The following WWOX variants were observed in gnomAD, a reference collection of about 807,000 sequenced individuals.
WWOX encodes the protein WW domain-containing oxidoreductase.
WWOX carries 69 observed loss-of-function variants against 46.2 expected under a neutral mutation model. The ratio of observed to expected loss-of-function variants is 1.49; its 90% CI spans 1.23 to 1.82. The LOEUF (loss-of-function observed/expected upper bound fraction) is 1.82, where lower values mean the gene tolerates loss of function less well. Among genes scored for constraint, WWOX ranks in the 40% most tolerant of loss-of-function variants. The pLI is 0.00. For synonymous variants in WWOX, 359 were observed against 202.6 expected (o/e 1.77, Z -6.56); for missense variants, 919 against 542.6 (o/e 1.69, Z -6.89).
At chr16:78,943,625 C>A (rs991515115) in intron 8 of WWOX, among the ~76,000 whole-genome samples, 1 of 152,104 alleles carries the variant, frequency 6.6e-6, no homozygotes, top group African/African-American at 2.4e-5. Context: ...TCTGTGTGGC[C>A]CCGTCAATGG....
intron 5 of WWOX, among the ~76,000 whole-genome samples, chr16:78,221,785 T>C (rs868276430): frequency 1.3e-5 from 2 of 152,226 alleles, no homozygotes; most frequent in South Asian, 2.1e-4. Context: ...GGAAGGTTTG[T>C]AATTTGTTTT....
At chr16:78,873,891 G>A (rs202068110) in intron 8 of WWOX, among the ~76,000 whole-genome samples, 1 of 152,112 alleles carries the variant, frequency 6.6e-6, no homozygotes, top group East Asian at 1.9e-4. Context: ...GGCAATCACA[G>A]GTCAGGTCCT....
intron 8 of WWOX, among the ~76,000 whole-genome samples, chr16:78,913,742 G>A (rs921800019): frequency 5.3e-5 from 8 of 151,408 alleles, no homozygotes; most frequent in Admixed American, 1.3e-4. Flanking sequence ...GCTCACTGCA[G>A]CCTCCAACTC....
intron 8 of WWOX, among the ~76,000 whole-genome samples, chr16:78,671,680 T>A (rs1252522232): frequency 6.6e-6 from 1 of 152,180 alleles, no homozygotes; most frequent in African/African-American, 2.4e-5. Context: ...ATGTAAAGCA[T>A]TTGGCATAGT....
At chr16:79,174,690 A>G (rs16949769) in intron 8 of WWOX, among the ~76,000 whole-genome samples, 4,537 of 152,304 alleles carry the variant, frequency 0.03, 238 homozygotes, top group African/African-American at 0.1. Context: ...GTGAATTTCT[A>G]TGTCCGCCCT....
chr16:78,140,615 C>G (rs2033954007), intron 4 of WWOX, among the ~76,000 whole-genome samples: 1 of 152,150 alleles, frequency 6.6e-6, no homozygotes, highest in Non-Finnish European at 1.5e-5. Flanking sequence ...AAGCCATTCT[C>G]CCTGTATCTT....
At chr16:79,161,381 A>G (rs1186831412) in intron 8 of WWOX, among the ~76,000 whole-genome samples, 1 of 152,228 alleles carries the variant, frequency 6.6e-6, no homozygotes, top group African/African-American at 2.4e-5. Context: ...GATGAAATGA[A>G]AAGTCCACAG....
At chr16:78,144,152 A>G (rs1345694486) in intron 4 of WWOX, among the ~76,000 whole-genome samples, 1 of 151,386 alleles carries the variant, frequency 6.6e-6, no homozygotes, top group Non-Finnish European at 1.5e-5. Flanking sequence ...TTATTTTAAA[A>G]CCCTGGGTTG....
At chr16:79,119,739 C>T (rs1373908968) in intron 8 of WWOX, among the ~76,000 whole-genome samples, 1 of 152,168 alleles carries the variant, frequency 6.6e-6, no homozygotes, top group Non-Finnish European at 1.5e-5. Flanking sequence ...TGGTTTGAAT[C>T]ATGATGGCAG....
chr16:78,483,415 G>A (rs1250847183), intron 8 of WWOX, among the ~76,000 whole-genome samples: 3 of 144,572 alleles, frequency 2.1e-5, no homozygotes, highest in African/African-American at 8.2e-5. Flanking sequence ...GCCGGCATCT[G>A]CGTAGAATTT....
chr16:78,965,120 G>C (rs959823358), intron 8 of WWOX, among the ~76,000 whole-genome samples: 21 of 152,238 alleles, frequency 1.4e-4, no homozygotes, highest in Admixed American at 5.9e-4. Context: ...GAGCCTCCAG[G>C]CAGAGTCCAT....
Position 78,417,224 on chromosome 16 carries a change from C to T in WWOX, c.606-7646C>T, listed in dbSNP as rs372179963. On this transcript the variant is annotated intron_variant, in intron 6 of 8. Transcript: ENST00000566780. ...AGTAGCTGAGACTACAGGTGCATGC[C>T]ACTGGCTATTTTTATTTTTTTCTTT... Among the ~76,000 whole-genome samples the T allele has an allele frequency of 2.5e-4, 38 of 152,152 alleles. 1 individual carries two copies. The highest frequency in any genetic ancestry group is 8.7e-4 in the African/African-American group (36 of 41,506).
intron 5 of WWOX, among the ~76,000 whole-genome samples, chr16:78,331,690 A>G (rs1460780575): frequency 2.0e-5 from 3 of 152,186 alleles, no homozygotes; most frequent in African/African-American, 7.2e-5. Flanking sequence ...ACAGGGAAAG[A>G]GTTTTGTTAT....
chr16:79,074,751 C>G (rs2048622628), intron 8 of WWOX, among the ~76,000 whole-genome samples: 1 of 152,092 alleles, frequency 6.6e-6, no homozygotes, highest in African/African-American at 2.4e-5. Context: ...GATAGCCTAA[C>G]TCCCCCAGCT....
rs560818920 is a variant in WWOX, at chr16:79,212,639, G to A, written c.*843G>A. 2 of 150,056 alleles carry A rather than the reference G, an allele frequency of 1.3e-5. No homozygotes were observed. Among genetic ancestry groups the A allele is most frequent in the African/African-American group, 2.4e-5 (1 of 41,320 alleles). 9.3% of individuals were successfully genotyped at this position (150,056 alleles called of 1,614,324 possible). ...CCTCCTGCTGTGCCTCGCATCCTAT[G>A]CTTAATAAAAGAACATGCTTGAATA... On this transcript the variant is annotated 3_prime_UTR_variant, in exon 9 of 9. Coordinates refer to ENST00000566780, the MANE Select transcript of WWOX (RefSeq NM_016373.4).
intron 4 of WWOX, among the ~76,000 whole-genome samples, chr16:78,137,889 C>A (rs1320263003): frequency 6.7e-6 from 1 of 150,154 alleles, no homozygotes; most frequent in African/African-American, 2.5e-5. Flanking sequence ...AGGTCTTTTT[C>A]CTTATCCGTT....
chr16:78,895,778 A>G (rs1015942555), intron 8 of WWOX: 1 of 152,238 alleles, frequency 6.6e-6, no homozygotes, highest in African/African-American at 2.4e-5. Context: ...CTGAGATGCT[A>G]ACAAAAACAA....
Position 78,490,997 on chromosome 16 carries a change from C to A in WWOX, c.1056+58245C>A, listed in dbSNP as rs9922858. 6.4e-3 allele frequency among the ~76,000 whole-genome samples: 979 copies of A among 152,286 alleles called. 13 individuals carry two copies. Among genetic ancestry groups the A allele is most frequent in the African/African-American group, 0.023 (939 of 41,566 alleles). On this transcript the variant is annotated intron_variant, in intron 8 of 8. Transcript: ENST00000566780. ...AGCTGCCCCCGAGTGACCGCTCCAGCCTTCTTTCCTTCCACCTCTCCCTCT... is the reference window on the plus strand; with the variant it reads ...AGCTGCCCCCGAGTGACCGCTCCAGACTTCTTTCCTTCCACCTCTCCCTCT...
At chr16:78,171,214 C>G (rs1357457398) in intron 5 of WWOX, among the ~76,000 whole-genome samples, 4 of 152,302 alleles carry the variant, frequency 2.6e-5, no homozygotes, top group African/African-American at 9.6e-5. Context: ...TGCCGGGAAA[C>G]TGCCGCATCC....
Sources: allele counts gnomAD v4.1 joint callset (sites outside exome capture counted in the v4.1 genomes callset), GRCh38; gene constraint gnomAD v4.1.1; transcripts MANE v1.5; gene names NCBI Gene and HGNC (gene_info 2026-07-23, HGNC 2026-07-21).